RYR3: variants seen among roughly 807,000 people sequenced by gnomAD.
The protein encoded by RYR3 is brain ryanodine receptor-calcium release channel.
A neutral mutation model predicts 584.3 loss-of-function variants in RYR3; 207 were observed. The ratio of observed to expected loss-of-function variants is 0.35; its 90% CI spans 0.32 to 0.40. RYR3 has a LOEUF of 0.40. Ranked by LOEUF, RYR3 falls within the 10% of genes least tolerant of loss-of-function variation. The pLI is 1.00. For synonymous variants in RYR3, 2,416 were observed against 2,248.5 expected (o/e 1.07, Z -2.11); for missense variants, 5,616 against 6,089.2 (o/e 0.92, Z 2.59).
chr15:33,704,770 C>T (rs1019423421), intron 42 of RYR3, among the ~76,000 whole-genome samples: 1 of 152,136 alleles, frequency 6.6e-6, no homozygotes. Context: ...GACATGGAGC[C>T]TCCATTGGAA....
chr15:33,330,482 C>T (rs1482813971), intron 1 of RYR3, among the ~76,000 whole-genome samples: 2 of 152,114 alleles, frequency 1.3e-5, no homozygotes, highest in African/African-American at 2.4e-5. Flanking sequence ...CTGGTTAACC[C>T]AGGAGGCTCT....
At chr15:33,663,079 TTGA>T (rs2063264164) in intron 35 of RYR3, 131 bp downstream of exon 35, 1 of 764,592 alleles carries the variant, frequency 1.3e-6, no homozygotes, top group Non-Finnish European at 2.2e-6. Context: ...CCAAGAGTGC[TTGA>T]TGATTATGGT....
In RYR3 at chr15:33,401,180, T is replaced by C. The variant is rs143374295; in HGVS notation, c.52-72239T>C. Among the ~76,000 whole-genome samples the C allele has an allele frequency of 7.6e-3, 1,158 of 152,284 alleles. 18 individuals carry two copies. The highest frequency in any genetic ancestry group is 0.026 in the African/African-American group (1,097 of 41,540). On this transcript the variant is annotated intron_variant, in intron 1 of 103. Coordinates refer to ENST00000634891, the MANE Select transcript of RYR3 (RefSeq NM_001036.6). ...TATTATGAGGTCTTAAAAACAGTACTGCTTTGTTGGGGCAATCATCCTGAA... is the reference window on the plus strand; with the variant it reads ...TATTATGAGGTCTTAAAAACAGTACCGCTTTGTTGGGGCAATCATCCTGAA...
At chr15:33,570,733 T>A (rs1454083096) in intron 12 of RYR3, among the ~76,000 whole-genome samples, 1 of 152,188 alleles carries the variant, frequency 6.6e-6, no homozygotes, top group Non-Finnish European at 1.5e-5. Flanking sequence ...TATTTATTTT[T>A]TAATTATTTT....
At chr15:33,468,331 G>T (rs2048654775) in intron 1 of RYR3, among the ~76,000 whole-genome samples, 1 of 152,182 alleles carries the variant, frequency 6.6e-6, no homozygotes, top group Non-Finnish European at 1.5e-5. Context: ...TCTTAAAGTG[G>T]TTGTGTTGTT....
rs1262209129 is a variant in RYR3 at position 33,748,459 on chromosome 15, C to T, written c.8137-9C>T. The T allele has an allele frequency of 3.7e-6, 6 of 1,612,616 alleles. No homozygotes were observed. Among genetic ancestry groups the T allele is most frequent in the Non-Finnish European group, 5.1e-6 (6 of 1,179,328 alleles). ...TGGCAACCCAGTGACTCTGCCTTTGCTTTCCTAGGGCAACAGCTACAGTCC... is the reference window on the plus strand; with the variant it reads ...TGGCAACCCAGTGACTCTGCCTTTGTTTTCCTAGGGCAACAGCTACAGTCC... On this transcript the variant is annotated splice_polypyrimidine_tract_variant and intron_variant, in intron 54 of 103. Coordinates refer to ENST00000634891, the MANE Select transcript of RYR3 (RefSeq NM_001036.6).
chr15:33,819,852 C>G, intron 77 of RYR3, 45 bp downstream of exon 77: 1 of 1,454,914 alleles, frequency 6.9e-7, no homozygotes, highest in Non-Finnish European at 9.5e-7. Flanking sequence ...TTCTGTCTTC[C>G]CTTAGATTTC....
chr15:33,649,160 G>A lies in RYR3; in HGVS notation c.4067G>A (p.Ser1356Asn). Residue 1356 changes from serine to asparagine, a missense_variant, in exon 31 of 104, where the codon AGT becomes AAT. Transcript: ENST00000634891. ...GTGACTCCAGACTATCACTTGTACA[G>A]TGAAAAGTTTGACCTGAATAAAAAC... ...GWVTPDYHLY[S>N]EKFDLNKNCT... 1 of 1,613,816 alleles carries A rather than the reference G, an allele frequency of 6.2e-7. No homozygotes were observed. Among genetic ancestry groups the A allele is most frequent in the Non-Finnish European group, 8.5e-7 (1 of 1,179,852 alleles).
intron 70 of RYR3, among the ~76,000 whole-genome samples, chr15:33,809,012 G>T (rs1386016999): frequency 6.6e-6 from 1 of 152,142 alleles, no homozygotes; most frequent in East Asian, 1.9e-4. Context: ...AATTGCAGCC[G>T]CCACAAGTGC....
At chr15:33,834,817 G>A (rs1286954218) in intron 86 of RYR3, 151 bp from the exon 87 acceptor site, 1 of 564,044 alleles carries the variant, frequency 1.8e-6, no homozygotes, top group East Asian at 3.0e-5. Context: ...AAAGAAAAAA[G>A]TAATAATCCT....
intron 44 of RYR3, 53 bp from the exon 45 acceptor site, chr15:33,724,012 C>T: frequency 2.1e-6 from 2 of 940,846 alleles, no homozygotes; most frequent in Admixed American, 3.7e-5. Context: ...TGTCTCGCAG[C>T]ATGGCAGTGC....
At chr15:33,834,221 T>C (rs113119767) in intron 86 of RYR3, among the ~76,000 whole-genome samples, 3,178 of 151,014 alleles carry the variant, frequency 0.021, 116 homozygotes, top group African/African-American at 0.073. Flanking sequence ...TGAGCAGAGG[T>C]TGCAGTAAGC....
intron 1 of RYR3, among the ~76,000 whole-genome samples, chr15:33,329,704 A>G (rs978619836): frequency 6.6e-6 from 1 of 152,168 alleles, no homozygotes; most frequent in Non-Finnish European, 1.5e-5. Flanking sequence ...CCATCACAAC[A>G]TTATCTGTTC....
chr15:33,835,093 C>G, intron 87 of RYR3, 21 bp downstream of exon 87: 1 of 1,549,566 alleles, frequency 6.5e-7, no homozygotes, highest in Non-Finnish European at 8.9e-7. Flanking sequence ...CCATTCCCTG[C>G]ACGTGTCATT....
intron 2 of RYR3, among the ~76,000 whole-genome samples, chr15:33,475,008 C>T (rs2049254268): frequency 1.3e-5 from 2 of 152,096 alleles, no homozygotes; most frequent in South Asian, 2.1e-4. Flanking sequence ...TTTCCTAAGG[C>T]CTTTTCTCAT....
intron 1 of RYR3, among the ~76,000 whole-genome samples, chr15:33,381,924 G>C (rs1306134488): frequency 6.6e-6 from 1 of 152,128 alleles, no homozygotes; most frequent in African/African-American, 2.4e-5. Context: ...TCCATCTCCT[G>C]TCATGAGTGC....
At chr15:33,799,634 A>T (rs533918645) in intron 67 of RYR3, among the ~76,000 whole-genome samples, 3 of 152,274 alleles carry the variant, frequency 2.0e-5, no homozygotes, top group African/African-American at 7.2e-5. Flanking sequence ...TAAATCAAGT[A>T]TTTTCCTGAG....
At chr15:33,343,823 GGCCCA>G (rs1972115015) in intron 1 of RYR3, among the ~76,000 whole-genome samples, 1 of 152,142 alleles carries the variant, frequency 6.6e-6, no homozygotes, top group South Asian at 2.1e-4. Flanking sequence ...CTATTTATTT[GGCCCA>G]GTTGCTGAGT....
intron 2 of RYR3, among the ~76,000 whole-genome samples, chr15:33,474,788 C>G (rs555224140): frequency 3.3e-5 from 5 of 152,156 alleles, no homozygotes; most frequent in Non-Finnish European, 5.9e-5. Context: ...ACAACACAGA[C>G]ATACACAGAG....
Sources: allele counts gnomAD v4.1 joint callset (sites outside exome capture counted in the v4.1 genomes callset), GRCh38; gene constraint gnomAD v4.1.1; transcripts MANE v1.5; gene names NCBI Gene and HGNC (gene_info 2026-07-23, HGNC 2026-07-21).